Variants in SLIT2 observed in about 807,000 individuals in gnomAD.
SLIT2 encodes slit guidance ligand 2, also known as slit homolog 2 protein.
Under a neutral mutation model 185.7 loss-of-function variants are expected in SLIT2, and 41 were observed. The observed-to-expected ratio is 0.22, with a 90% CI of 0.17 to 0.29. SLIT2 has a LOEUF of 0.29. Among genes scored for constraint, SLIT2 ranks in the 10% least tolerant of loss-of-function variants. The pLI is 1.00. For missense variants in SLIT2, 1,571 were observed against 1,909.0 expected, an observed-to-expected ratio of 0.82 and a Z score of 3.30; for synonymous variants, 693 against 680.2, an observed-to-expected ratio of 1.02 and a Z score of -0.29.
intron 4 of SLIT2, among the ~76,000 whole-genome samples, chr4:20,313,870 G>C (rs1248402804): frequency 6.6e-6 from 1 of 152,136 alleles, no homozygotes; most frequent in African/African-American, 2.4e-5. Context: ...ACCTCCTCCT[G>C]GGCAACCCGC....
chr4:20,445,073 T>G (rs1447194752), intron 4 of SLIT2, among the ~76,000 whole-genome samples: 3 of 152,176 alleles, frequency 2.0e-5, no homozygotes, highest in Non-Finnish European at 4.4e-5. Context: ...CTAGCTGCAC[T>G]GATCAGTCCT....
intron 4 of SLIT2, among the ~76,000 whole-genome samples, chr4:20,376,566 A>G (rs952441251): frequency 6.6e-6 from 1 of 152,020 alleles, no homozygotes; most frequent in Non-Finnish European, 1.5e-5. Flanking sequence ...TATTTGCATG[A>G]TGGTTAAAAA....
intron 12 of SLIT2, among the ~76,000 whole-genome samples, chr4:20,520,980 G>A (rs1720788853): frequency 6.6e-6 from 1 of 152,256 alleles, no homozygotes; most frequent in East Asian, 1.9e-4. Flanking sequence ...CAGCCTAGAT[G>A]TCTGTACCCA....
intron 18 of SLIT2, among the ~76,000 whole-genome samples, chr4:20,538,211 C>T (rs371925361): frequency 6.6e-6 from 1 of 152,152 alleles, no homozygotes; most frequent in Non-Finnish European, 1.5e-5. Flanking sequence ...CCGCCCGCCT[C>T]GGCCTCCCAA....
intron 33 of SLIT2, among the ~76,000 whole-genome samples, chr4:20,600,361 A>G (rs988971921): frequency 1.3e-5 from 2 of 151,474 alleles, no homozygotes; most frequent in Non-Finnish European, 2.9e-5. Flanking sequence ...CATTTCACCT[A>G]ACAAAGGATG....
chr4:20,589,856 A>C, intron 30 of SLIT2, 119 bp downstream of exon 30: 1 of 629,052 alleles, frequency 1.6e-6, no homozygotes, highest in Non-Finnish European at 2.8e-6. Flanking sequence ...GGACCTATTC[A>C]CTAGTATCAG....
At chr4:20,364,561 C>A (rs1722966826) in intron 4 of SLIT2, among the ~76,000 whole-genome samples, 1 of 152,052 alleles carries the variant, frequency 6.6e-6, no homozygotes, top group Admixed American at 6.6e-5. Flanking sequence ...ACCTTAACTG[C>A]CATTTGGTGT....
intron 4 of SLIT2, among the ~76,000 whole-genome samples, chr4:20,440,416 A>G (rs578106095): frequency 1.3e-5 from 2 of 152,286 alleles, no homozygotes; most frequent in East Asian, 1.9e-4. Context: ...AGGATTGGAT[A>G]TGCTTATGTT....
chr4:20,528,935 TGAA>T lies in SLIT2; in HGVS notation c.1463-13_1463-11del, dbSNP rs1419422153. On this transcript the variant is annotated splice_polypyrimidine_tract_variant and intron_variant, in intron 15 of 36. Transcript: ENST00000504154. The surrounding 1 kb of genome is among the most constrained non-coding windows in gnomAD (Gnocchi z 4.2). Reference sequence around the variant, plus strand: ...TAGACTCAGTATCTTTTTTTTGGTTTGAATTCTCAATAGGTACAGAAGATTATC... The same window carrying T: ...TAGACTCAGTATCTTTTTTTTGGTTTTTCTCAATAGGTACAGAAGATTATC... The T allele has an allele frequency of 2.5e-6, 4 of 1,595,490 alleles. No homozygotes were observed. Among genetic ancestry groups the T allele is most frequent in the Admixed American group, 3.5e-5 (2 of 57,884 alleles).
chr4:20,318,637 AT>A (rs76475618), intron 4 of SLIT2, among the ~76,000 whole-genome samples: 9 of 151,028 alleles, frequency 6.0e-5, no homozygotes, highest in Non-Finnish European at 1.2e-4. Flanking sequence ...TACATGAGTC[AT>A]TTTTTTTTCC....
intron 4 of SLIT2, among the ~76,000 whole-genome samples, chr4:20,310,603 A>G (rs975560076): frequency 6.6e-6 from 1 of 152,152 alleles, no homozygotes; most frequent in African/African-American, 2.4e-5. Context: ...TTGGTACTAA[A>G]TGGACTTGCT....
chr4:20,301,098 T>G (rs1448455289), intron 4 of SLIT2, among the ~76,000 whole-genome samples: 1 of 152,136 alleles, frequency 6.6e-6, no homozygotes. Flanking sequence ...TATCTACCTG[T>G]TTTCTCATAT....
chr4:20,495,537 C>T (rs995262458), intron 9 of SLIT2, among the ~76,000 whole-genome samples: 12 of 152,050 alleles, frequency 7.9e-5, no homozygotes, highest in African/African-American at 2.4e-4. Flanking sequence ...TTCTTATGAT[C>T]GTGATTTTCT....
chr4:20,398,138 T>C (rs1476981124), intron 4 of SLIT2, among the ~76,000 whole-genome samples: 2 of 151,734 alleles, frequency 1.3e-5, no homozygotes, highest in African/African-American at 2.4e-5. Context: ...GAGTTATTAG[T>C]GCAAAGACAG....
intron 11 of SLIT2, among the ~76,000 whole-genome samples, chr4:20,518,496 C>T (rs981994836): frequency 8.1e-6 from 1 of 124,058 alleles, no homozygotes; most frequent in Non-Finnish European, 1.7e-5. Flanking sequence ...TCGTGATCCG[C>T]CGGCCTCGGC....
chr4:20,302,248 A>T (rs1717120942), intron 4 of SLIT2, among the ~76,000 whole-genome samples: 1 of 152,188 alleles, frequency 6.6e-6, no homozygotes, highest in South Asian at 2.1e-4. Context: ...TTCTTTGCCT[A>T]TTATAAGTGA....
intron 4 of SLIT2, among the ~76,000 whole-genome samples, chr4:20,306,200 G>A (rs931762338): frequency 3.9e-5 from 6 of 152,162 alleles, no homozygotes; most frequent in South Asian, 2.1e-4. Flanking sequence ...TATGGAACAC[G>A]GGGAGAAAGG....
intron 4 of SLIT2, among the ~76,000 whole-genome samples, chr4:20,317,283 A>G (rs1231740065): frequency 6.6e-6 from 1 of 151,860 alleles, no homozygotes; most frequent in Non-Finnish European, 1.5e-5. Flanking sequence ...TCATTGTTGA[A>G]CTCATATTTG....
intron 4 of SLIT2, among the ~76,000 whole-genome samples, chr4:20,329,685 T>G (rs1254838363): frequency 1.3e-5 from 2 of 152,124 alleles, no homozygotes; most frequent in African/African-American, 4.8e-5. Context: ...TTTGAATCCT[T>G]GATAGCAAAT....
Sources: gnomAD v4.1 joint callset for allele counts (sites outside exome capture counted in the v4.1 genomes callset) on GRCh38, gnomAD v4.1.1 for gene constraint, Gnocchi (gnomAD v3.1) non-coding constraint, MANE v1.5 for transcripts, NCBI Gene and HGNC (gene_info 2026-07-23, HGNC 2026-07-21) for gene names.